The following ZNF577 variants were observed in gnomAD, a reference collection of about 807,000 sequenced individuals.
The protein encoded by ZNF577 is zinc finger protein 577.
A neutral mutation model predicts 13.9 loss-of-function variants in ZNF577; 14 were observed. The ratio of observed to expected loss-of-function variants is 1.00; its 90% confidence interval spans 0.66 to 1.57. The LOEUF (loss-of-function observed/expected upper bound fraction) is 1.57, where lower values mean the gene tolerates loss of function less well. Ranked by LOEUF, ZNF577 falls within the 40% of genes most tolerant of loss-of-function variation. ZNF577 has a pLI of 0.00. For missense variants in ZNF577, 555 were observed against 579.2 expected (o/e 0.96, Z 0.43); for synonymous variants, 203 against 202.9 (o/e 1.00, Z 0.00).
chr19:51,815,878 A>G (rs1009680140), intron 9 of ZNF577, among the ~76,000 whole-genome samples: 3 of 144,110 alleles, frequency 2.1e-5, no homozygotes, highest in Non-Finnish European at 4.4e-5. Context: ...AAAAGAAAAA[A>G]GAAAAAAGAA....
chr19:51,846,805 A>G (rs1249241441), intron 5 of ZNF577, among the ~76,000 whole-genome samples: 2 of 152,104 alleles, frequency 1.3e-5, no homozygotes, highest in African/African-American at 4.8e-5. Context: ...ACCAAAACTC[A>G]TCCCACACTG....
chr19:51,864,271 T>C (rs1432156515), downstream of ZNF577, among the ~76,000 whole-genome samples: 2 of 152,172 alleles, frequency 1.3e-5, no homozygotes. Flanking sequence ...TTAATTACTT[T>C]CCGCAACACT....
At chr19:51,823,943 G>A (rs372060962) in intron 9 of ZNF577, 2 of 1,613,978 alleles carry the variant, frequency 1.2e-6, no homozygotes, top group Admixed American at 3.3e-5. Context: ...TCTGTTACCT[G>A]AACCTGGCCC....
intron 8 of ZNF577, among the ~76,000 whole-genome samples, chr19:51,841,250 T>C (rs2122542028): frequency 1.3e-5 from 2 of 152,322 alleles, no homozygotes; most frequent in Admixed American, 1.3e-4. Flanking sequence ...CCCCAGCCTA[T>C]AAGCGGTGGG....
intron 8 of ZNF577, among the ~76,000 whole-genome samples, chr19:51,841,878 C>T (rs2084322856): frequency 6.6e-6 from 1 of 152,076 alleles, no homozygotes; most frequent in Admixed American, 6.5e-5. Flanking sequence ...CACATTAGTT[C>T]TAGAGAATAA....
chr19:51,861,676 T>C (rs1022249884), intron 5 of ZNF577: 4 of 152,306 alleles, frequency 2.6e-5, no homozygotes, highest in East Asian at 1.9e-4. Flanking sequence ...TGATTAGTAA[T>C]AGCTGATTTC....
intron 9 of ZNF577, among the ~76,000 whole-genome samples, chr19:51,833,281 TCTTATTTGTTTCCC>T (rs11273061): frequency 0.42 from 64,113 of 151,732 alleles, 13,677 homozygotes; most frequent in South Asian, 0.58. Flanking sequence ...ACGGGAATCA[TCTTATTTGTTTCCC>T]CTTTTTTGGA....
At chr19:51,827,621 T>C (rs2084238746) in intron 9 of ZNF577, among the ~76,000 whole-genome samples, 1 of 152,194 alleles carries the variant, frequency 6.6e-6, no homozygotes, top group African/African-American at 2.4e-5. Flanking sequence ...TAAATTCCCA[T>C]CCTCATGTCC....
intron 1 of ZNF577, among the ~76,000 whole-genome samples, chr19:51,883,015 G>A (rs534370017): frequency 0.015 from 2,168 of 140,414 alleles, 64 homozygotes; most frequent in African/African-American, 0.055. Flanking sequence ...TTTTTTTTGA[G>A]AAGGAGTCTC....
intron 9 of ZNF577, among the ~76,000 whole-genome samples, chr19:51,831,866 TACTA>T (rs1160282510): frequency 1.3e-5 from 2 of 152,246 alleles, no homozygotes; most frequent in African/African-American, 4.8e-5. Context: ...AGAATCTTTG[TACTA>T]ACTGTTGTCC....
chr19:51,853,085 G>A (rs1225763416), intron 5 of ZNF577, among the ~76,000 whole-genome samples: 1 of 152,024 alleles, frequency 6.6e-6, no homozygotes, highest in Non-Finnish European at 1.5e-5. Flanking sequence ...GACAGGCACA[G>A]GCCGCCCCAC....
chr19:51,848,842 C>T (rs2084367003), intron 5 of ZNF577, among the ~76,000 whole-genome samples: 2 of 152,142 alleles, frequency 1.3e-5, no homozygotes, highest in South Asian at 4.1e-4. Flanking sequence ...AGGAGTTGTA[C>T]ATCTAAGTTC....
chr19:51,877,371 C>G lies in ZNF577; in HGVS notation c.194G>C (p.Arg65Pro), dbSNP rs137892890. The change falls in exon 5 of 6, where the codon CGA becomes CCA. Residue 65 changes from arginine to proline, a missense_variant. By Grantham distance (103) the Arg-to-Pro change is moderately radical. Coordinates refer to ENST00000638348, the MANE Select transcript of ZNF577 (RefSeq NM_001370449.1). The stretch of plus-strand genomic sequence containing the variant: ...GAAGAGCGAATCTGGCTTGGTGCCT[C>G]GATACCCTGTAAATGGGAGATCACT... ...NYINLVSIGY[R>P]GTKPDSLFKL... 206 of 1,613,848 alleles carry G rather than the reference C, an allele frequency of 1.3e-4. 1 individual carries two copies. In the East Asian group the frequency reaches 3.6e-3, roughly 28 times the overall value.
chr19:51,820,752 A>AC (rs1456083507), intron 9 of ZNF577, among the ~76,000 whole-genome samples: 1 of 152,278 alleles, frequency 6.6e-6, no homozygotes, highest in East Asian at 1.9e-4. Flanking sequence ...CTCTGGTTCT[A>AC]CCCCTTTCTG....
At chr19:51,807,221 G>C (rs2084065700) in intron 10 of ZNF577, among the ~76,000 whole-genome samples, 1 of 152,156 alleles carries the variant, frequency 6.6e-6, no homozygotes, top group Non-Finnish European at 1.5e-5. Flanking sequence ...GGAAGTGGGG[G>C]GGGTGGTTGC....
intron 9 of ZNF577, among the ~76,000 whole-genome samples, chr19:51,821,334 G>A (rs952371279): frequency 1.3e-5 from 2 of 152,144 alleles, no homozygotes; most frequent in African/African-American, 4.8e-5. Context: ...CAACTGGGGG[G>A]AGTTTTGCCT....
chr19:51,840,813 G>GCCC (rs1394818030), intron 8 of ZNF577: 1 of 151,222 alleles, frequency 6.6e-6, no homozygotes, highest in African/African-American at 2.5e-5. Context: ...GATTAAGTAA[G>GCCC]CCCCCTAGTT....
At chr19:51,811,867 T>G (rs549285233) in intron 9 of ZNF577, among the ~76,000 whole-genome samples, 134 of 152,172 alleles carry the variant, frequency 8.8e-4, no homozygotes, top group Non-Finnish European at 1.6e-3. Context: ...GATAAACAGT[T>G]TGCTGTTTGA....
At chr19:51,885,932 CA>C (rs2084938743) in intron 1 of ZNF577, among the ~76,000 whole-genome samples, 1 of 152,122 alleles carries the variant, frequency 6.6e-6, no homozygotes, top group African/African-American at 2.4e-5. Flanking sequence ...GTATAATCAT[CA>C]ATGGAATACT....
Sources: gnomAD v4.1 joint callset for allele counts (sites outside exome capture counted in the v4.1 genomes callset) on GRCh38, gnomAD v4.1.1 for gene constraint, MANE v1.5 for transcripts, NCBI Gene and HGNC (gene_info 2026-07-23, HGNC 2026-07-21) for gene names.